The following FAM178B variants were observed in gnomAD, a reference collection of about 807,000 sequenced individuals.
FAM178B encodes the protein protein FAM178B.
FAM178B carries 82 observed loss-of-function variants against 91.7 expected under a neutral mutation model. That is an observed-to-expected ratio of 0.89 (90% confidence interval 0.75 to 1.07). FAM178B has a LOEUF of 1.07. Ranked by LOEUF, FAM178B falls within the 50% of genes least tolerant of loss-of-function variation. The pLI, the probability that FAM178B is intolerant of heterozygous loss-of-function variation, is 0.00. For missense variants in FAM178B, 769 were observed against 846.7 expected (o/e 0.91, Z 1.14); for synonymous variants, 368 against 359.4 (o/e 1.02, Z -0.27).
At chr2:96,880,803 C>G (rs893451682) in intron 14 of FAM178B, among the ~76,000 whole-genome samples, 1 of 152,126 alleles carries the variant, frequency 6.6e-6, no homozygotes, top group East Asian at 1.9e-4. Context: ...ACCGTGTTAG[C>G]CAGGATGGCC....
intron 7 of FAM178B, chr2:96,949,973 C>T (rs2081897066): frequency 1.0e-6 from 1 of 985,530 alleles, no homozygotes; most frequent in Non-Finnish European, 1.2e-6. Context: ...CACACCAAGT[C>T]TGTCTGTCTG....
chr2:96,933,676 C>T (rs561754067), intron 8 of FAM178B, among the ~76,000 whole-genome samples: 8 of 152,188 alleles, frequency 5.3e-5, no homozygotes, highest in Non-Finnish European at 1.0e-4. Context: ...CCTCCCCAAC[C>T]CCCAAATCAA....
intron 12 of FAM178B, among the ~76,000 whole-genome samples, chr2:96,903,687 C>T (rs2080978136): frequency 6.6e-6 from 1 of 152,234 alleles, no homozygotes; most frequent in South Asian, 2.1e-4. Context: ...GAGGCTGAAA[C>T]AGAGCCCTGA....
chr2:96,946,172 C>T (rs2081824709), intron 8 of FAM178B, among the ~76,000 whole-genome samples: 1 of 152,184 alleles, frequency 6.6e-6, no homozygotes, highest in Admixed American at 6.5e-5. Context: ...CAATGTTCAT[C>T]CATCTTGTAG....
intron 1 of FAM178B, among the ~76,000 whole-genome samples, chr2:96,981,431 C>A (rs72942994): frequency 0.012 from 1,824 of 152,276 alleles, 49 homozygotes; most frequent in African/African-American, 0.042. Flanking sequence ...AAGTCCTTAA[C>A]TTTAATGTAG....
At position 96,978,965 on chromosome 2, in the gene FAM178B, T is replaced by A. The variant is rs925046177; in HGVS notation, c.74-6359A>T. Among the ~76,000 whole-genome samples the A allele has an allele frequency of 2.8e-3, 383 of 137,456 alleles. 1 individual carries two copies. Among genetic ancestry groups the A allele is most frequent in the African/African-American group, 9.9e-3 (371 of 37,424 alleles). The allele number at this position is 137,456 out of a possible 152,430, so 90.2% of individuals were successfully genotyped here. ...TATGGCTGCATAGTATTCTATGGTG[T>A]ATGTATCACTTTTTTTTTTTTTTTT... On this transcript the variant is annotated intron_variant, in intron 1 of 16. Coordinates refer to ENST00000490605, the MANE Select transcript of FAM178B (RefSeq NM_001122646.3).
intron 9 of FAM178B, among the ~76,000 whole-genome samples, chr2:96,928,526 T>TA (rs1164871820): frequency 2.6e-5 from 4 of 151,944 alleles, no homozygotes; most frequent in African/African-American, 9.7e-5. Context: ...TGTGGGAACA[T>TA]AAAAGCATGC....
chr2:96,906,226 G>A (rs2081053492), intron 12 of FAM178B, among the ~76,000 whole-genome samples: 1 of 143,138 alleles, frequency 7.0e-6, no homozygotes, highest in Admixed American at 7.2e-5. Flanking sequence ...TTTTGAGCAG[G>A]AGTCTTGCTC....
chr2:96,914,834 G>A (rs1382139955), intron 12 of FAM178B, among the ~76,000 whole-genome samples: 2 of 152,298 alleles, frequency 1.3e-5, no homozygotes, highest in East Asian at 3.9e-4. Context: ...AAGCTGCAGT[G>A]AGCCTGGATG....
chr2:96,977,443 CTT>C (rs576193876), intron 1 of FAM178B, among the ~76,000 whole-genome samples: 28 of 147,974 alleles, frequency 1.9e-4, no homozygotes, highest in Admixed American at 1.9e-3. Context: ...ACGACCGTGC[CTT>C]TTGGGAATTT....
Position 96,894,071 on chromosome 2 carries a change from C to G in FAM178B, c.1651-20G>C, listed in dbSNP as rs373884209. The G allele has an allele frequency of 6.3e-7, 1 of 1,591,074 alleles. No individual in the cohort carries two copies. Among genetic ancestry groups the G allele is most frequent in the African/African-American group, 1.3e-5 (1 of 74,292 alleles). ...GGACAGCTGGGGAGGAGAAGGGAGG[C>G]TGTCACTCACAGAGGGTGGTGGCCA... On this transcript the variant is annotated intron_variant, in intron 13 of 16. Transcript: ENST00000490605.
At chr2:96,965,448 GTCAA>G (rs1162415972) in intron 5 of FAM178B, among the ~76,000 whole-genome samples, 2 of 151,670 alleles carry the variant, frequency 1.3e-5, no homozygotes, top group African/African-American at 4.8e-5. Context: ...ATGTAGCGCA[GTCAA>G]TCAGTCTCCC....
intron 9 of FAM178B, among the ~76,000 whole-genome samples, chr2:96,928,243 T>C (rs1302541363): frequency 6.6e-6 from 1 of 152,136 alleles, no homozygotes; most frequent in African/African-American, 2.4e-5. Flanking sequence ...CAACAGCCCC[T>C]CCAGGCTTCA....
intron 14 of FAM178B, among the ~76,000 whole-genome samples, chr2:96,879,291 G>A (rs1249583786): frequency 1.3e-5 from 2 of 152,206 alleles, no homozygotes; most frequent in East Asian, 1.9e-4. Context: ...GGATCAGGAG[G>A]TGGCAGATGA....
At chr2:96,906,928 G>A (rs1443511030) in intron 12 of FAM178B, among the ~76,000 whole-genome samples, 1 of 152,200 alleles carries the variant, frequency 6.6e-6, no homozygotes, top group East Asian at 1.9e-4. Flanking sequence ...GCGGGAGCTC[G>A]TTTACTCGTT....
At chr2:96,892,977 C>A (rs1273386036) in intron 14 of FAM178B, among the ~76,000 whole-genome samples, 2 of 152,230 alleles carry the variant, frequency 1.3e-5, no homozygotes, top group Non-Finnish European at 2.9e-5. Context: ...TGAAAGACAA[C>A]CTTCCCCACA....
chr2:96,986,314 A>C lies in FAM178B; in HGVS notation c.-1T>G. The C allele has an allele frequency of 6.5e-7, 1 of 1,533,880 alleles. No individual in the cohort carries two copies. Among genetic ancestry groups the C allele is most frequent in the South Asian group, 1.2e-5 (1 of 83,976 alleles). Reference sequence around the variant, plus strand: ...CCGCACCTGGAAGCCTTGGCCACATAGGGCGGGAAGGGCAGGGCTCCGGGG... The same window carrying C: ...CCGCACCTGGAAGCCTTGGCCACATCGGGCGGGAAGGGCAGGGCTCCGGGG... On this transcript the variant is annotated 5_prime_UTR_variant, in exon 1 of 17. Coordinates refer to ENST00000490605, the MANE Select transcript of FAM178B (RefSeq NM_001122646.3).
chr2:96,977,979 G>A (rs1413706715), intron 1 of FAM178B: 8 of 448,046 alleles, frequency 1.8e-5, no homozygotes, highest in Admixed American at 4.8e-5. Context: ...GCAAGAGGGA[G>A]CACTTTGAAG....
chr2:96,970,920 A>T (rs1361695247), intron 3 of FAM178B, 143 bp from the exon 4 acceptor site: 1 of 691,732 alleles, frequency 1.4e-6, no homozygotes, highest in Non-Finnish European at 2.4e-6. Context: ...AAAAAATCAA[A>T]AAGTATAAAG....
Sources: allele counts gnomAD v4.1 joint callset (sites outside exome capture counted in the v4.1 genomes callset), GRCh38; gene constraint gnomAD v4.1.1; transcripts MANE v1.5; gene names NCBI Gene and HGNC (gene_info 2026-07-23, HGNC 2026-07-21).